The following CDYL2 variants were observed in gnomAD, a reference collection of about 807,000 sequenced individuals.
The protein encoded by CDYL2 is chromodomain Y-like protein 2.
CDYL2 carries 23 observed loss-of-function variants against 49.4 expected under a neutral mutation model. The observed-to-expected ratio is 0.47, with a 90% CI of 0.34 to 0.66. The LOEUF (loss-of-function observed/expected upper bound fraction) is 0.66, where lower values mean the gene tolerates loss of function less well. Ranked by LOEUF, CDYL2 falls within the 30% of genes least tolerant of loss-of-function variation. The pLI, the probability that CDYL2 is intolerant of heterozygous loss-of-function variation, is 0.01. For missense variants in CDYL2, 678 were observed against 656.4 expected, an observed-to-expected ratio of 1.03 and a Z score of -0.36; for synonymous variants, 360 against 268.8, an observed-to-expected ratio of 1.34 and a Z score of -3.32.
At chr16:80,672,160 G>T (rs937420614) in intron 2 of CDYL2, among the ~76,000 whole-genome samples, 1 of 152,074 alleles carries the variant, frequency 6.6e-6, no homozygotes, top group Non-Finnish European at 1.5e-5. Context: ...TCAGATTTTG[G>T]ACTTGGGGAC....
chr16:80,633,190 C>T lies in CDYL2; in HGVS notation c.663G>A (p.Lys221=), dbSNP rs1289348771. ...AGTCCTTCTCCGCTTCCAGCTTCCTCTTCACTGGACTGTGCAGGTTCAATC... is the reference window on the plus strand; with the variant it reads ...AGTCCTTCTCCGCTTCCAGCTTCCTTTTCACTGGACTGTGCAGGTTCAATC... The part of the protein sequence containing the change: ...NGGLNLHSPV[K]RKLEAEKDYV... Residue 221 remains lysine, a synonymous_variant, in exon 3 of 7, where the codon AAG becomes AAA. Transcript: ENST00000570137. The T allele has an allele frequency of 6.2e-7, 1 of 1,614,210 alleles. No individual in the cohort carries two copies. Among genetic ancestry groups the T allele is most frequent in the South Asian group, 1.1e-5 (1 of 91,088 alleles).
At chr16:80,680,447 T>C (rs974074641) in intron 2 of CDYL2, among the ~76,000 whole-genome samples, 10 of 152,168 alleles carry the variant, frequency 6.6e-5, no homozygotes, top group African/African-American at 2.4e-4. Context: ...CGATGGCTCC[T>C]AGTTAGGGAC....
At chr16:80,670,905 T>A in intron 2 of CDYL2, 1 of 455,934 alleles carries the variant, frequency 2.2e-6, no homozygotes, top group South Asian at 1.5e-5. Flanking sequence ...TAAAAGGGGC[T>A]CTATACACAG....
In CDYL2 at chr16:80,600,054, C is replaced by T. The variant is rs1046446156; in HGVS notation, c.*4334G>A. The T allele has an allele frequency of 5.9e-5, 9 of 152,210 alleles. No homozygotes were observed. Among genetic ancestry groups the T allele is most frequent in the African/African-American group, 2.2e-4 (9 of 41,450 alleles). 9.4% of individuals were successfully genotyped at this position (152,210 alleles called of 1,614,324 possible). ...TTAAGGCTCTGTTCACAAACTCCAT[C>T]AACTGCCACACAGTGAGAATTTACG... On this transcript the variant is annotated 3_prime_UTR_variant, in exon 7 of 7. Coordinates refer to ENST00000570137, the MANE Select transcript of CDYL2 (RefSeq NM_152342.4).
intron 1 of CDYL2, among the ~76,000 whole-genome samples, chr16:80,779,892 A>AT (rs1343062720): frequency 6.6e-6 from 1 of 152,238 alleles, no homozygotes; most frequent in African/African-American, 2.4e-5. Context: ...TATTTTCTAT[A>AT]TTTTTTAAAT....
intron 1 of CDYL2, among the ~76,000 whole-genome samples, chr16:80,773,772 G>C (rs958538161): frequency 3.3e-5 from 5 of 152,058 alleles, no homozygotes; most frequent in African/African-American, 1.2e-4. Flanking sequence ...CATACTTAAA[G>C]GCATGCTTAA....
intron 1 of CDYL2, among the ~76,000 whole-genome samples, chr16:80,761,145 C>G (rs963025091): frequency 4.6e-5 from 7 of 152,160 alleles, no homozygotes; most frequent in Non-Finnish European, 1.0e-4. Context: ...TGCAGATTCT[C>G]AGGCCCCACC....
chr16:80,748,880 A>G (rs1906031487), intron 1 of CDYL2, among the ~76,000 whole-genome samples: 2 of 152,160 alleles, frequency 1.3e-5, no homozygotes, highest in South Asian at 4.1e-4. Context: ...AAATTAGCTC[A>G]CCCTGATATA....
rs890727574 is a variant in CDYL2 at position 80,758,606 on chromosome 16, G to T, written c.24+45544C>A. On this transcript the variant is annotated intron_variant, in intron 1 of 6. Transcript: ENST00000570137. Reference sequence around the variant, plus strand: ...CGCTCAGGCTGGAGGGCAGTGGCACGATCTCCGCTCACTGCAAGCTCTGCC... The same window carrying T: ...CGCTCAGGCTGGAGGGCAGTGGCACTATCTCCGCTCACTGCAAGCTCTGCC... Among the ~76,000 whole-genome samples the T allele has an allele frequency of 2.1e-5, 3 of 141,910 alleles. No individual in the cohort carries two copies. In the Admixed American group the frequency reaches 2.3e-4, roughly 11 times the overall value. The allele number at this position is 141,910 out of a possible 152,430, so 93.1% of individuals were successfully genotyped here.
chr16:80,695,802 T>C (rs1361447508), intron 1 of CDYL2, among the ~76,000 whole-genome samples: 1 of 152,064 alleles, frequency 6.6e-6, no homozygotes, highest in Non-Finnish European at 1.5e-5. Flanking sequence ...AATACAATAT[T>C]AGTTGAGACC....
In CDYL2 at chr16:80,642,186, T is replaced by G. The variant is rs556220129; in HGVS notation, c.617-8950A>C. On this transcript the variant is annotated intron_variant, in intron 2 of 6. Transcript: ENST00000570137. ...CGCCGGGTGTGGTGGCTCACGCCTG[T>G]AATCCCAGCACTTTGGGAGGCCGAG... Among the ~76,000 whole-genome samples, 163 of 152,320 alleles carry G rather than the reference T, an allele frequency of 1.1e-3. 1 individual carries two copies. Among genetic ancestry groups the G allele is most frequent in the Middle Eastern group, 3.4e-3 (1 of 294 alleles).
chr16:80,675,759 G>C (rs1305746930), intron 2 of CDYL2, among the ~76,000 whole-genome samples: 2 of 152,052 alleles, frequency 1.3e-5, no homozygotes, highest in African/African-American at 4.8e-5. Flanking sequence ...AGGAGGTGAA[G>C]TTTTATTATT....
At chr16:80,649,296 T>C (rs552110827) in intron 2 of CDYL2, among the ~76,000 whole-genome samples, 10 of 152,240 alleles carry the variant, frequency 6.6e-5, no homozygotes, top group African/African-American at 2.4e-4. Flanking sequence ...AGTTGCAAGA[T>C]ACAAGACCAA....
At chr16:80,757,805 C>T (rs1210159397) in intron 1 of CDYL2, among the ~76,000 whole-genome samples, 1 of 151,752 alleles carries the variant, frequency 6.6e-6, no homozygotes, top group Non-Finnish European at 1.5e-5. Context: ...CTAATTAGAC[C>T]TAGGTAAATT....
At chr16:80,714,123 T>C (rs1011136727) in intron 1 of CDYL2, among the ~76,000 whole-genome samples, 31 of 152,166 alleles carry the variant, frequency 2.0e-4, no homozygotes, top group Non-Finnish European at 4.4e-4. Context: ...GGAATATTTA[T>C]ATATTCAAAT....
At chr16:80,720,262 C>G (rs1220554100) in intron 1 of CDYL2, among the ~76,000 whole-genome samples, 1 of 152,104 alleles carries the variant, frequency 6.6e-6, no homozygotes, top group African/African-American at 2.4e-5. Flanking sequence ...GTGCTGAATC[C>G]TGGAAAGCAC....
chr16:80,637,137 G>GCACGTGTATACTT (rs776833847), intron 2 of CDYL2, among the ~76,000 whole-genome samples: 2 of 151,906 alleles, frequency 1.3e-5, no homozygotes, highest in Non-Finnish European at 2.9e-5. Context: ...AACCACCATG[G>GCACGTGTATACTT]CACGTGTATA....
At chr16:80,649,718 C>T (rs935022663) in intron 2 of CDYL2, among the ~76,000 whole-genome samples, 2 of 152,146 alleles carry the variant, frequency 1.3e-5, no homozygotes, top group African/African-American at 4.8e-5. Context: ...TCAAATTACA[C>T]TAAAGAGCTA....
intron 2 of CDYL2, among the ~76,000 whole-genome samples, chr16:80,669,498 G>A (rs1214585067): frequency 2.0e-5 from 3 of 152,140 alleles, no homozygotes; most frequent in East Asian, 1.9e-4. Context: ...GTGGGAGATG[G>A]TGGCACAGAT....
Sources: allele counts gnomAD v4.1 joint callset (sites outside exome capture counted in the v4.1 genomes callset), GRCh38; gene constraint gnomAD v4.1.1; transcripts MANE v1.5; gene names NCBI Gene and HGNC (gene_info 2026-07-23, HGNC 2026-07-21).